The following ALMS1 variants were observed in gnomAD, a reference collection of about 807,000 sequenced individuals.
The protein encoded by ALMS1 is ALMS1 centrosome and basal body associated protein, also known as centrosome-associated protein ALMS1.
A neutral mutation model predicts 352.2 loss-of-function variants in ALMS1; 271 were observed. The observed-to-expected ratio is 0.77, with a 90% confidence interval of 0.70 to 0.85. The LOEUF (loss-of-function observed/expected upper bound fraction) is 0.85, where lower values mean the gene tolerates loss of function less well. Ranked by LOEUF, ALMS1 falls within the 40% of genes least tolerant of loss-of-function variation. ALMS1 has a pLI of 0.00. For missense variants in ALMS1, 5,445 were observed against 4,870.7 expected (o/e 1.12, Z -3.51); for synonymous variants, 1,865 against 1,761.2 (o/e 1.06, Z -1.48).
At chr2:73,414,614 G>A (rs1052757903) in intron 2 of ALMS1, among the ~76,000 whole-genome samples, 3 of 151,166 alleles carry the variant, frequency 2.0e-5, no homozygotes, top group Non-Finnish European at 2.9e-5. Flanking sequence ...TGAATACAGT[G>A]AATACTTTTC....
rs1390084260 is a variant in ALMS1 at position 73,572,611 on chromosome 2, T to G, written c.10734T>G (p.Ser3578Arg). 1.2e-6 allele frequency: 2 copies of G among 1,614,004 alleles called. No individual in the cohort carries two copies. The highest frequency in any genetic ancestry group is 2.2e-5 in the South Asian group (2 of 91,066). Residue 3578 changes from serine to arginine, a missense_variant, in exon 16 of 23, where the codon AGT becomes AGG. Coordinates refer to ENST00000613296, the MANE Select transcript of ALMS1 (RefSeq NM_001378454.1). ...ATCCAAAACATAATGGACAAATTAG[T>G]GATCCACAAAGGGATCAGAAGGTCA... ...RDYPKHNGQISDPQRDQKVTP... is the reference protein window; with the variant it reads ...RDYPKHNGQIRDPQRDQKVTP...
At position 73,432,270 on chromosome 2, in the gene ALMS1, G is replaced by A. The variant is rs766390643; in HGVS notation, c.1411G>A (p.Ala471Thr). ...LRMSPDTVPK[A>T]PKHLKAGDTS... Reference sequence around the variant, plus strand: ...GATGTCTCCTGACACTGTGCCAAAGGCTCCTAAACATTTAAAAGCAGGTAC... The same window carrying A: ...GATGTCTCCTGACACTGTGCCAAAGACTCCTAAACATTTAAAAGCAGGTAC... The change falls in exon 7 of 23, where the codon GCT (alanine) becomes ACT (threonine). Residue 471 changes from alanine (A) to threonine (T), a missense_variant. Transcript: ENST00000613296. The A allele has an allele frequency of 1.2e-6, 2 of 1,612,356 alleles. No homozygotes were observed. Among genetic ancestry groups the A allele is most frequent in the South Asian group, 2.2e-5 (2 of 91,044 alleles).
intron 15 of ALMS1, among the ~76,000 whole-genome samples, chr2:73,561,633 A>G (rs1204847804): frequency 3.4e-5 from 5 of 148,008 alleles, no homozygotes; most frequent in Admixed American, 2.7e-4. Flanking sequence ...TACAAGATGA[A>G]AGAGTTAGAG....
chr2:73,523,248 CTTTATTTA>C (rs983486864), intron 11 of ALMS1, among the ~76,000 whole-genome samples: 1 of 152,132 alleles, frequency 6.6e-6, no homozygotes, highest in Non-Finnish European at 1.5e-5. Context: ...AGCTTGCTCA[CTTTATTTA>C]TTTATTTATT....
intron 16 of ALMS1, among the ~76,000 whole-genome samples, chr2:73,598,683 C>T (rs1040941112): frequency 6.6e-6 from 1 of 152,150 alleles, no homozygotes; most frequent in Admixed American, 6.5e-5. Context: ...CTAGAGATTC[C>T]AATTCATTAT....
chr2:73,424,615 A>C lies in ALMS1; in HGVS notation c.950A>C (p.Gln317Pro). ...GSQCPFLPSE[Q>P]GNNEETISSV... is the part of the protein sequence containing the mutation. ...CAGTGCCCTTTTTTACCTTCTGAAC[A>C]AGGGAATAATGAAGAGACTATTTCG... The change falls in exon 5 of 23, where the codon CAA becomes CCA. Residue 317 changes from glutamine to proline, a missense_variant. Physicochemically the swap from Gln to Pro is moderately conservative, Grantham distance 76. Coordinates refer to ENST00000613296, the MANE Select transcript of ALMS1 (RefSeq NM_001378454.1). 6.2e-7 allele frequency: 1 copy of C among 1,614,046 alleles called. No individual in the cohort carries two copies. The highest frequency in any genetic ancestry group is 8.5e-7 in the Non-Finnish European group (1 of 1,180,010).
intron 15 of ALMS1, among the ~76,000 whole-genome samples, chr2:73,565,700 T>A (rs560605204): frequency 5.3e-5 from 8 of 152,342 alleles, no homozygotes; most frequent in Non-Finnish European, 7.3e-5. Flanking sequence ...GTCATGTTGA[T>A]AGTATGTACC....
At chr2:73,471,003 C>CT (rs1404141471) in intron 9 of ALMS1, 1 of 151,800 alleles carries the variant, frequency 6.6e-6, no homozygotes, top group African/African-American at 2.4e-5. Context: ...AAGTGAGTCT[C>CT]TTCTAGATAG....
At chr2:73,404,322 G>GTA (rs1282848349) in intron 1 of ALMS1, among the ~76,000 whole-genome samples, 7 of 152,138 alleles carry the variant, frequency 4.6e-5, no homozygotes, top group Non-Finnish European at 1.0e-4. Flanking sequence ...GCTATGTTGA[G>GTA]TAGAAGGGTG....
At chr2:73,606,186 C>T (rs1390528956) in intron 21 of ALMS1, among the ~76,000 whole-genome samples, 2 of 152,122 alleles carry the variant, frequency 1.3e-5, no homozygotes, top group Non-Finnish European at 2.9e-5. Context: ...TTATGTTAGC[C>T]TGTCACAGGC....
intron 9 of ALMS1, among the ~76,000 whole-genome samples, chr2:73,474,224 G>A (rs1179154339): frequency 6.6e-6 from 1 of 151,918 alleles, no homozygotes; most frequent in Admixed American, 6.6e-5. Flanking sequence ...AAATACTGTG[G>A]TAATTTATAT....
Position 73,600,982 on chromosome 2 carries a change from C to A in ALMS1, c.11872+101C>A, listed in dbSNP as rs544076702. 5.6e-6 allele frequency: 8 copies of A among 1,431,472 alleles called. No individual in the cohort carries two copies. In the East Asian group the frequency reaches 2.0e-4, roughly 35 times the overall value. The allele number at this position is 1,431,472 out of a possible 1,614,324, so 88.7% of individuals were successfully genotyped here. The stretch of plus-strand genomic sequence containing the variant: ...TCCAAGTGACTCTATGTGGTCCCCA[C>A]CTACCCCCAGCCACAACCTTGTCAG... On this transcript the variant is annotated intron_variant, in intron 18 of 22. Transcript: ENST00000613296.
intron 19 of ALMS1, 142 bp downstream of exon 19, chr2:73,601,578 C>G (rs1434699399): frequency 7.5e-7 from 1 of 1,338,388 alleles, no homozygotes; most frequent in Non-Finnish European, 1.0e-6. Flanking sequence ...CACCTGTTTT[C>G]ACGCACGAGG....
At chr2:73,418,988 C>G (rs1411112758) in intron 2 of ALMS1, 135 bp from the exon 3 acceptor site, 1 of 766,420 alleles carries the variant, frequency 1.3e-6, no homozygotes, top group Non-Finnish European at 2.1e-6. Context: ...AACAGCTTTA[C>G]ATTTTCTATA....
Position 73,489,755 on chromosome 2 carries a change from G to C in ALMS1, c.7796G>C (p.Arg2599Thr). 1 of 1,614,136 alleles carries C rather than the reference G, an allele frequency of 6.2e-7. No homozygotes were observed. The highest frequency in any genetic ancestry group is 8.5e-7 in the Non-Finnish European group (1 of 1,180,030). The change falls in exon 10 of 23, where the codon AGA becomes ACA. Residue 2599 changes from arginine (R) to threonine (T), a missense_variant. Physicochemically the swap from Arg to Thr is moderately conservative, Grantham distance 71 (BLOSUM62 -1). Coordinates refer to ENST00000613296, the MANE Select transcript of ALMS1 (RefSeq NM_001378454.1). ...TLTSEHPQLD[R>T]HPCAFRSAGP... ...ACTTCTGAACATCCACAACTAGATAGACACCCTTGTGCTTTCAGATCTGCT... is the reference window on the plus strand; with the variant it reads ...ACTTCTGAACATCCACAACTAGATACACACCCTTGTGCTTTCAGATCTGCT...
intron 16 of ALMS1, among the ~76,000 whole-genome samples, chr2:73,581,550 A>C (rs2104131518): frequency 6.6e-6 from 1 of 152,314 alleles, no homozygotes; most frequent in South Asian, 2.1e-4. Flanking sequence ...TTTAGCAAAC[A>C]CTTGGTTACT....
At chr2:73,531,937 C>A (rs1215963494) in intron 11 of ALMS1, among the ~76,000 whole-genome samples, 1 of 152,238 alleles carries the variant, frequency 6.6e-6, no homozygotes, top group Non-Finnish European at 1.5e-5. Flanking sequence ...CTAATCACCT[C>A]CCACCAGGTC....
At chr2:73,558,730 G>T (rs955632124) in intron 14 of ALMS1, among the ~76,000 whole-genome samples, 1 of 151,952 alleles carries the variant, frequency 6.6e-6, no homozygotes. Context: ...ACTCCCACCT[G>T]CAATTAGTTT....
intron 15 of ALMS1, among the ~76,000 whole-genome samples, chr2:73,560,456 G>A (rs1004847501): frequency 1.6e-4 from 25 of 152,088 alleles, no homozygotes; most frequent in African/African-American, 6.0e-4. Context: ...AATGTAAAAT[G>A]ATGTAGCTAT....
Sources: allele counts gnomAD v4.1 joint callset (sites outside exome capture counted in the v4.1 genomes callset), GRCh38; gene constraint gnomAD v4.1.1; transcripts MANE v1.5; gene names NCBI Gene and HGNC (gene_info 2026-07-23, HGNC 2026-07-21).